The following ERN2 variants were observed in gnomAD, a reference collection of about 807,000 sequenced individuals.
ERN2 encodes endoplasmic reticulum to nucleus signaling 2, also known as serine/threonine-protein kinase/endoribonuclease IRE2.
Under a neutral mutation model 107.9 loss-of-function variants are expected in ERN2, and 111 were observed. The ratio of observed to expected loss-of-function variants is 1.03; its 90% CI spans 0.88 to 1.20. The LOEUF (loss-of-function observed/expected upper bound fraction) is 1.20, where lower values mean the gene tolerates loss of function less well. ERN2 is among the 50% of genes most tolerant of loss of function. ERN2 has a pLI of 0.00. For synonymous variants in ERN2, 524 were observed against 501.7 expected (o/e 1.04, Z -0.59); for missense variants, 1,225 against 1,197.9 (o/e 1.02, Z -0.33).
chr16:23,704,567 T>G (rs549521288), intron 8 of ERN2, among the ~76,000 whole-genome samples: 1 of 152,324 alleles, frequency 6.6e-6, no homozygotes, highest in South Asian at 2.1e-4. Context: ...TAAACCTCTT[T>G]CTTTTGTAAA....
At chr16:23,696,367 T>C (rs1959827357) in intron 13 of ERN2, among the ~76,000 whole-genome samples, 1 of 151,252 alleles carries the variant, frequency 6.6e-6, no homozygotes, top group African/African-American at 2.5e-5. Flanking sequence ...GTTTGTTTTG[T>C]TTTGCTTTGT....
chr16:23,700,568 T>C lies in ERN2; in HGVS notation c.1496A>G (p.Lys499Arg). ...RSQKRLQSPS[K>R]QAQPLDDPEA... is the part of the protein sequence containing the mutation. ...AGGGTCGTCGAGTGGCTGGGCTTGCTTTGAGGGACTCTGAAGCCTCTTCTG... is the reference window on the plus strand; with the variant it reads ...AGGGTCGTCGAGTGGCTGGGCTTGCCTTGAGGGACTCTGAAGCCTCTTCTG... The change falls in exon 13 of 22, where the codon AAG (lysine) becomes AGG (arginine). Residue 499 changes from lysine to arginine, a missense_variant. Physicochemically the swap from Lys to Arg is conservative, Grantham distance 26. Coordinates refer to ENST00000256797, the MANE Select transcript of ERN2 (RefSeq NM_033266.4). The C allele has an allele frequency of 1.2e-6, 2 of 1,613,892 alleles. No individual in the cohort carries two copies.
chr16:23,702,623 C>T lies in ERN2; in HGVS notation c.933+1G>A. The T allele has an allele frequency of 6.2e-7, 1 of 1,614,166 alleles. No individual in the cohort carries two copies. The highest frequency in any genetic ancestry group is 8.5e-7 in the Non-Finnish European group (1 of 1,180,010). ...CAGCCCACTCAGAGACCACTTCTTA[C>T]CACCAGGGCCACTCCTGTGTGGACC... On this transcript the variant is annotated splice_donor_variant, in intron 9 of 21. Transcript: ENST00000256797. LOFTEE classifies it high-confidence loss of function.
chr16:23,692,268 G>C lies in ERN2; in HGVS notation c.2164C>G (p.His722Asp), dbSNP rs867988821. 2 of 1,614,162 alleles carry C rather than the reference G, an allele frequency of 1.2e-6. 1 individual carries two copies. Among genetic ancestry groups the C allele is most frequent in the Middle Eastern group, 3.3e-4 (2 of 6,062 alleles). The change falls in exon 18 of 22, where the codon CAC becomes GAC. Residue 722 changes from histidine to aspartate, a missense_variant. Physicochemically the swap from His to Asp is moderately conservative, Grantham distance 81. Coordinates refer to ENST00000256797, the MANE Select transcript of ERN2 (RefSeq NM_033266.4). Reference protein sequence around the residue: ...VFYYVLSGGSHPFGDSLYRQA... With the variant: ...VFYYVLSGGSDPFGDSLYRQA... ...CGATAAAGACTGTCTCCAAAGGGGT[G>C]GCTGCCACCAGAAAGCACGTAGTAG...
chr16:23,703,626 A>G (rs1304250023), intron 8 of ERN2, among the ~76,000 whole-genome samples: 5 of 152,190 alleles, frequency 3.3e-5, no homozygotes, highest in African/African-American at 1.2e-4. Flanking sequence ...TGACTTTTTA[A>G]CTTTAGGAGA....
chr16:23,704,650 C>T (rs551755021), intron 8 of ERN2, among the ~76,000 whole-genome samples: 3 of 152,238 alleles, frequency 2.0e-5, no homozygotes, highest in South Asian at 2.1e-4. Flanking sequence ...CAGATCTTAC[C>T]GTATGAGTTG....
intron 13 of ERN2, among the ~76,000 whole-genome samples, chr16:23,698,037 C>T (rs78379165): frequency 0.044 from 6,729 of 152,278 alleles, 215 homozygotes; most frequent in Admixed American, 0.091. Flanking sequence ...AATCAAAAAT[C>T]TCGTGTCAGG....
chr16:23,703,583 G>T (rs1403068061), intron 8 of ERN2, among the ~76,000 whole-genome samples: 1 of 152,094 alleles, frequency 6.6e-6, no homozygotes, highest in Non-Finnish European at 1.5e-5. Context: ...ATGAAAATAT[G>T]ATTAAATCAC....
chr16:23,698,016 A>G (rs1398146154), intron 13 of ERN2, among the ~76,000 whole-genome samples: 1 of 152,128 alleles, frequency 6.6e-6, no homozygotes, highest in Non-Finnish European at 1.5e-5. Flanking sequence ...TCCCAAGCTC[A>G]ATTCTAAAGT....
At chr16:23,712,111 A>C in intron 1 of ERN2, 1 of 435,054 alleles carries the variant, frequency 2.3e-6, no homozygotes, top group Non-Finnish European at 4.7e-6. Flanking sequence ...CAGGACCCTC[A>C]GGTTTGGGGC....
chr16:23,701,272 T>C (rs1304151592), intron 11 of ERN2, among the ~76,000 whole-genome samples, 158 bp from the exon 12 acceptor site: 4 of 152,204 alleles, frequency 2.6e-5, no homozygotes, highest in African/African-American at 9.6e-5. Context: ...TGAAACATCA[T>C]GTTGCCCAGA....
At position 23,690,834 on chromosome 16, in the gene ERN2, C is replaced by A. The variant is rs1414541076; in HGVS notation, c.2778G>T (p.Arg926Ser). ...TCTGTGTGGCATCCAGCCCACCTCA[C>A]CTCCCTGTGGCCCCAGGGCATGGCC... is the stretch of plus-strand genomic sequence containing the variant. ...ARRPCPGATG[R>S] Residue 926 changes from arginine to serine, a missense_variant, in exon 22 of 22, where the codon AGG becomes AGT. Arg to Ser is a moderately radical substitution (Grantham distance 110, BLOSUM62 -1). Coordinates refer to ENST00000256797, the MANE Select transcript of ERN2 (RefSeq NM_033266.4). 6 of 1,609,520 alleles carry A rather than the reference C, an allele frequency of 3.7e-6. No individual in the cohort carries two copies. Among genetic ancestry groups the A allele is most frequent in the Admixed American group, 1.7e-5 (1 of 59,996 alleles).
Position 23,690,633 on chromosome 16 carries a change from T to G in ERN2, c.*198A>C. ...CCATGCCTGGCTAATTTTACAAATTTTTTGTAGAAATGGGGTGTTGCCATG... is the reference window on the plus strand; with the variant it reads ...CCATGCCTGGCTAATTTTACAAATTGTTTGTAGAAATGGGGTGTTGCCATG... On this transcript the variant is annotated 3_prime_UTR_variant, in exon 22 of 22. Transcript: ENST00000256797. 3.4e-6 allele frequency: 2 copies of G among 593,964 alleles called. No homozygotes were observed. The highest frequency in any genetic ancestry group is 4.0e-5 in the South Asian group (2 of 49,958). The allele number at this position is 593,964 out of a possible 1,614,324, so 36.8% of individuals were successfully genotyped here.
chr16:23,697,805 AGAG>A (rs1004100748), intron 13 of ERN2, among the ~76,000 whole-genome samples: 3 of 152,094 alleles, frequency 2.0e-5, no homozygotes. Context: ...CACCCAGGCT[AGAG>A]TGCACTGGCG....
At position 23,706,378 on chromosome 16, in the gene ERN2, T is replaced by G. The variant is rs1597155439; in HGVS notation, c.541A>C (p.Thr181Pro). 5 of 1,565,872 alleles carry G rather than the reference T, an allele frequency of 3.2e-6. No homozygotes were observed. Among genetic ancestry groups the G allele is most frequent in the South Asian group, 1.2e-5 (1 of 85,004 alleles). ...GGGGGCGCTGAGTAGCGGCGGTAGGTGGTGTTCCAGCGCAGGGCTGGGGCT... is the reference window on the plus strand; with the variant it reads ...GGGGGCGCTGAGTAGCGGCGGTAGGGGGTGTTCCAGCGCAGGGCTGGGGCT... The part of the protein sequence containing the change: ...PRAPALRWNT[T>P]YRRYSAPPMD... The change falls in exon 7 of 22, where the codon ACC (threonine) becomes CCC (proline). Residue 181 changes from threonine (T) to proline (P), a missense_variant. Transcript: ENST00000256797.
At chr16:23,709,158 T>C (rs1261169060) in intron 4 of ERN2, 4 of 455,396 alleles carry the variant, frequency 8.8e-6, no homozygotes, top group South Asian at 4.7e-5. Flanking sequence ...GAACTGGGTG[T>C]GGTGGTGTGT....
Position 23,702,610 on chromosome 16 carries a change from A to C in ERN2, c.933+14T>G. 1 of 1,614,178 alleles carries C rather than the reference A, an allele frequency of 6.2e-7. No individual in the cohort carries two copies. Among genetic ancestry groups the C allele is most frequent in the Non-Finnish European group, 8.5e-7 (1 of 1,180,020 alleles). Reference sequence around the variant, plus strand: ...TTCATCCTCTTTCCAGCCCACTCAGAGACCACTTCTTACCACCAGGGCCAC... The same window carrying C: ...TTCATCCTCTTTCCAGCCCACTCAGCGACCACTTCTTACCACCAGGGCCAC... On this transcript the variant is annotated intron_variant, in intron 9 of 21. Transcript: ENST00000256797.
chr16:23,712,812 C>T, intron 1 of ERN2: 1 of 405,850 alleles, frequency 2.5e-6, no homozygotes, highest in East Asian at 3.9e-5. Flanking sequence ...AGGTGCCCCC[C>T]TACCCCAGAC....
At chr16:23,697,674 T>A (rs561752927) in intron 13 of ERN2, among the ~76,000 whole-genome samples, 1 of 152,342 alleles carries the variant, frequency 6.6e-6, no homozygotes, top group Non-Finnish European at 1.5e-5. Context: ...AGGCTCAGTC[T>A]GCACACACAG....
Sources: gnomAD v4.1 joint callset for allele counts (sites outside exome capture counted in the v4.1 genomes callset) on GRCh38, gnomAD v4.1.1 for gene constraint, MANE v1.5 for transcripts, NCBI Gene and HGNC (gene_info 2026-07-23, HGNC 2026-07-21) for gene names.